MYO18B: variants seen among roughly 807,000 people sequenced by gnomAD.
MYO18B encodes myosin XVIIIB.
MYO18B carries 204 observed loss-of-function variants against 273.0 expected under a neutral mutation model. The observed-to-expected ratio is 0.75, with a 90% CI of 0.67 to 0.84. The LOEUF (loss-of-function observed/expected upper bound fraction) is 0.84, where lower values mean the gene tolerates loss of function less well. MYO18B is among the 40% of genes least tolerant of loss of function. The pLI is 0.00. For synonymous variants in MYO18B, 1,330 were observed against 1,305.7 expected (o/e 1.02, Z -0.40); for missense variants, 3,212 against 3,287.6 (o/e 0.98, Z 0.56).
chr22:25,759,744 A>C lies in MYO18B; in HGVS notation c.-109-1240A>C, dbSNP rs148601188. Among the ~76,000 whole-genome samples, 4 of 152,356 alleles carry C rather than the reference A, an allele frequency of 2.6e-5. No individual in the cohort carries two copies. In the East Asian group the frequency reaches 7.7e-4, roughly 29 times the overall value. On this transcript the variant is annotated intron_variant, in intron 1 of 43. Coordinates refer to ENST00000335473, the MANE Select transcript of MYO18B (RefSeq NM_032608.7). ...GGAAATATAGTAATTGTATGGAGAT[A>C]TGGCAAGTAAAAACAATGCTTGCTA...
rs1424027387 is a variant in MYO18B at position 25,768,890 on chromosome 22, G to A, written c.974G>A (p.Arg325Lys). The A allele has an allele frequency of 6.2e-7, 1 of 1,613,074 alleles. No homozygotes were observed. Among genetic ancestry groups the A allele is most frequent in the Admixed American group, 1.7e-5 (1 of 59,890 alleles). ...GRKWGGFLGR[R>K]SKWDGPQNKK... is the part of the protein sequence containing the mutation. ...AAGTGGGGAGGTTTCCTGGGAAGAA[G>A]GAGTAAGTGGGACGGTCCCCAGAAT... The change falls in exon 4 of 44, where the codon AGG becomes AAG. Residue 325 changes from arginine to lysine, a missense_variant. Transcript: ENST00000335473.
At chr22:25,995,689 G>T (rs1400203324) in intron 40 of MYO18B, among the ~76,000 whole-genome samples, 1 of 152,168 alleles carries the variant, frequency 6.6e-6, no homozygotes, top group Non-Finnish European at 1.5e-5. Context: ...ATCCCCTCTG[G>T]CTTTAAAGGG....
intron 11 of MYO18B, among the ~76,000 whole-genome samples, chr22:25,787,738 A>G (rs147929711): frequency 0.013 from 1,915 of 152,128 alleles, 143 homozygotes; most frequent in Admixed American, 0.11. Flanking sequence ...ACCAAATACT[A>G]GGGGGGCAGC....
At position 26,025,669 on chromosome 22, in the gene MYO18B, A is replaced by T. The variant is rs546418722; in HGVS notation, c.6471-776A>T. On this transcript the variant is annotated intron_variant, in intron 42 of 43. Transcript: ENST00000335473. ...TTTCTCTTAGAGAGAGGACAAATAG[A>T]TTTTATTTATTAAAGGAAAGGTTGA... Among the ~76,000 whole-genome samples the T allele has an allele frequency of 2.7e-4, 41 of 152,204 alleles. 1 individual carries two copies. The South Asian group carries it at 8.5e-3, about 32-fold the overall frequency.
intron 33 of MYO18B, among the ~76,000 whole-genome samples, chr22:25,915,940 A>C (rs1302734075): frequency 6.6e-6 from 1 of 152,190 alleles, no homozygotes; most frequent in African/African-American, 2.4e-5. Flanking sequence ...TTTTTGTAAA[A>C]TTTGGATCAT....
In MYO18B at chr22:25,844,683, A is replaced by G. The variant is rs192287243; in HGVS notation, c.3368+789A>G. Among the ~76,000 whole-genome samples, 71 of 152,334 alleles carry G rather than the reference A, an allele frequency of 4.7e-4. No individual in the cohort carries two copies. The East Asian group carries it at 0.012, about 26-fold the overall frequency. ...AGAACAGTGGCACAGCCAGGACCCA[A>G]CTTGAGTCTAAGAGATGCTTGGAGA... is the stretch of plus-strand genomic sequence containing the variant. On this transcript the variant is annotated intron_variant, in intron 18 of 43. Transcript: ENST00000335473.
Position 26,030,591 on chromosome 22 carries a change from G to A in MYO18B, c.*161G>A. 1 of 226,824 alleles carries A rather than the reference G, an allele frequency of 4.4e-6. No homozygotes were observed. The highest frequency in any genetic ancestry group is 8.6e-6 in the Non-Finnish European group (1 of 116,250). The allele number at this position is 226,824 out of a possible 1,614,324, so 14.1% of individuals were successfully genotyped here. ...CCACAGAGGCATATCCTGCGGGGAT[G>A]CTGGGCTCCCAGTGTGGTTGGCCTG... On this transcript the variant is annotated 3_prime_UTR_variant, in exon 44 of 44. Transcript: ENST00000335473.
chr22:25,932,795 T>A (rs1356670821), intron 34 of MYO18B, among the ~76,000 whole-genome samples: 1 of 151,986 alleles, frequency 6.6e-6, no homozygotes, highest in Non-Finnish European at 1.5e-5. Context: ...TGGTTTTTGT[T>A]TGTTTATTTT....
At chr22:25,881,420 C>T (rs967408407) in intron 25 of MYO18B, among the ~76,000 whole-genome samples, 3 of 152,150 alleles carry the variant, frequency 2.0e-5, no homozygotes, top group Non-Finnish European at 2.9e-5. Context: ...TCATGTCTTG[C>T]GAGAGCAAGC....
chr22:25,810,426 G>A (rs1326022441), intron 12 of MYO18B, among the ~76,000 whole-genome samples: 1 of 135,832 alleles, frequency 7.4e-6, no homozygotes, highest in Non-Finnish European at 1.6e-5. Context: ...TTTTTTAATA[G>A]GCTATAATTT....
At chr22:25,896,820 A>G (rs967229357) in intron 28 of MYO18B, 2 of 152,150 alleles carry the variant, frequency 1.3e-5, no homozygotes, top group Non-Finnish European at 2.9e-5. Context: ...TACTCCCACC[A>G]TGGCCAATTT....
Position 25,946,142 on chromosome 22 carries a change from G to A in MYO18B, c.5523G>A (p.Glu1841=). The A allele has an allele frequency of 6.5e-7, 1 of 1,543,614 alleles. No homozygotes were observed. Among genetic ancestry groups the A allele is most frequent in the East Asian group, 2.4e-5 (1 of 41,008 alleles). ...CCACCTCTTGCCTGGTCCAGCTGGA[G>A]CAGAGTGAAGCCAAGTGTGAGGAGG... is the stretch of plus-strand genomic sequence containing the variant. ...EELEKVHSQL[E]QSEAKCEEAL... The change falls in exon 35 of 44, where the codon GAG becomes GAA. Residue 1841 remains glutamate (E), a synonymous_variant. Coordinates refer to ENST00000335473, the MANE Select transcript of MYO18B (RefSeq NM_032608.7).
intron 42 of MYO18B, among the ~76,000 whole-genome samples, chr22:26,016,203 TTACTC>T (rs1308706812): frequency 3.9e-5 from 6 of 152,232 alleles, no homozygotes; most frequent in African/African-American, 1.4e-4. Context: ...TAGATTTTAA[TTACTC>T]TACAAATCTA....
intron 34 of MYO18B, among the ~76,000 whole-genome samples, chr22:25,929,393 A>T (rs969975): frequency 6.6e-6 from 1 of 152,042 alleles, no homozygotes; most frequent in Non-Finnish European, 1.5e-5. Flanking sequence ...CACTGGAAAC[A>T]AACTAATCTG....
chr22:25,984,601 G>A (rs1463821429), intron 39 of MYO18B, among the ~76,000 whole-genome samples: 2 of 150,778 alleles, frequency 1.3e-5, no homozygotes, highest in African/African-American at 4.9e-5. Context: ...ACCAACCTGG[G>A]GAACATAGCA....
chr22:25,972,379 T>G (rs2093044770), intron 39 of MYO18B, among the ~76,000 whole-genome samples: 2 of 152,216 alleles, frequency 1.3e-5, no homozygotes, highest in Non-Finnish European at 2.9e-5. Context: ...TATAACAGCC[T>G]ATCATTTGTG....
At chr22:25,987,263 A>G (rs911451209) in intron 39 of MYO18B, among the ~76,000 whole-genome samples, 1 of 152,218 alleles carries the variant, frequency 6.6e-6, no homozygotes, top group Non-Finnish European at 1.5e-5. Context: ...CTAATTGAAC[A>G]TCACAAGAGG....
intron 11 of MYO18B, among the ~76,000 whole-genome samples, chr22:25,793,082 T>C (rs738636): frequency 0.74 from 112,420 of 152,016 alleles, 41,694 homozygotes; most frequent in East Asian, 0.86. Flanking sequence ...ACAGCCTGGG[T>C]GAAGGCATGG....
At chr22:25,929,676 G>A (rs1267599100) in intron 34 of MYO18B, among the ~76,000 whole-genome samples, 1 of 152,012 alleles carries the variant, frequency 6.6e-6, no homozygotes, top group Non-Finnish European at 1.5e-5. Context: ...TCATGCTGGG[G>A]GCTGTATTCA....
Sources: allele counts gnomAD v4.1 joint callset (sites outside exome capture counted in the v4.1 genomes callset), GRCh38; gene constraint gnomAD v4.1.1; transcripts MANE v1.5; gene names NCBI Gene and HGNC (gene_info 2026-07-23, HGNC 2026-07-21).